The following C5orf34 variants were observed in gnomAD, a reference collection of about 807,000 sequenced individuals.
The protein encoded by C5orf34 is chromosome 5 open reading frame 34, also known as uncharacterized protein C5orf34.
C5orf34 carries 73 observed loss-of-function variants against 78.4 expected under a neutral mutation model. That is an observed-to-expected ratio of 0.93 (90% CI 0.77 to 1.13). The LOEUF (loss-of-function observed/expected upper bound fraction) is 1.13, where lower values mean the gene tolerates loss of function less well. C5orf34 is among the 50% of genes most tolerant of loss of function. C5orf34 has a pLI of 0.00. For missense variants in C5orf34, 730 were observed against 732.7 expected (o/e 1.00, Z 0.04); for synonymous variants, 251 against 246.6 (o/e 1.02, Z -0.17).
chr5:43,497,728 C>T (rs1201769471), intron 6 of C5orf34, among the ~76,000 whole-genome samples: 1 of 152,186 alleles, frequency 6.6e-6, no homozygotes, highest in Non-Finnish European at 1.5e-5. Context: ...AGGTACCAAA[C>T]AAAAGTCTTT....
At position 43,502,539 on chromosome 5, in the gene C5orf34, A is replaced by C. The variant is rs148357398; in HGVS notation, c.1029-44T>G. 1.1e-3 allele frequency: 1,254 copies of C among 1,180,358 alleles called. 11 individuals are homozygous for C. The African/African-American group carries it at 0.016, about 15-fold the overall frequency. 73.1% of individuals were successfully genotyped at this position (1,180,358 alleles called of 1,614,324 possible). On this transcript the variant is annotated intron_variant, in intron 5 of 12. Coordinates refer to ENST00000306862, the MANE Select transcript of C5orf34 (RefSeq NM_198566.4). ...CATTAAAAATTTTTTTCCACTTGAGATTAAAACATGCATGAAGATAGTCAT... is the reference window on the plus strand; with the variant it reads ...CATTAAAAATTTTTTTCCACTTGAGCTTAAAACATGCATGAAGATAGTCAT...
Position 43,490,689 on chromosome 5 carries a change from G to C in C5orf34, c.1621C>G (p.Gln541Glu), listed in dbSNP as rs764105480. The change falls in exon 11 of 13, where the codon CAG becomes GAG. Residue 541 changes from glutamine to glutamate, a missense_variant. Transcript: ENST00000306862. ...TVTSWCRRLT[Q>E]TSPREMPTHS... The stretch of plus-strand genomic sequence containing the variant: ...GTGGGCATCTCTCTGGGACTAGTCT[G>C]GGTCAGTCTCCTGCACCATGATGTT... 3.1e-6 allele frequency: 5 copies of C among 1,610,756 alleles called. No individual in the cohort carries two copies. In the East Asian group the frequency reaches 1.1e-4, roughly 36 times the overall value.
At chr5:43,488,278 T>C (rs1170908629) in intron 11 of C5orf34, 1 of 252,270 alleles carries the variant, frequency 4.0e-6, no homozygotes, top group East Asian at 8.4e-5. Context: ...CTCCCTAAAG[T>C]TTACGCAAAC....
chr5:43,496,271 T>C, intron 6 of C5orf34: 1 of 1,585,896 alleles, frequency 6.3e-7, no homozygotes, highest in Non-Finnish European at 8.6e-7. Flanking sequence ...GCTTTCAGTT[T>C]ATGCAAGACC....
At chr5:43,494,988 T>C (rs1310534436) in intron 6 of C5orf34, 2 of 1,123,164 alleles carry the variant, frequency 1.8e-6, no homozygotes, top group East Asian at 4.7e-5. Context: ...ACTACTAAAC[T>C]TAAATGGCCA....
In C5orf34 at chr5:43,487,022, C is replaced by G; in HGVS notation, c.1810G>C (p.Glu604Gln). ...TCATTAACTTCTCCTAGCAAGGTTT[C>G]TGAAGATCCTGGTTTATAATGATCA... ...SFDHYKPGSS[E>Q]TLLGEVNENR... The change falls in exon 13 of 13, where the codon GAA becomes CAA. Residue 604 changes from glutamate to glutamine, a missense_variant. Physicochemically the swap from Glu to Gln is conservative, Grantham distance 29 (BLOSUM62 2). Coordinates refer to ENST00000306862, the MANE Select transcript of C5orf34 (RefSeq NM_198566.4). 6.3e-7 allele frequency: 1 copy of G among 1,591,028 alleles called. No individual in the cohort carries two copies. The highest frequency in any genetic ancestry group is 1.1e-5 in the South Asian group (1 of 87,540).
intron 10 of C5orf34, among the ~76,000 whole-genome samples, chr5:43,491,023 T>C (rs1470761792): frequency 6.6e-6 from 1 of 152,224 alleles, no homozygotes; most frequent in East Asian, 1.9e-4. Flanking sequence ...CAATTTTAAA[T>C]GTTCTAATTC....
At chr5:43,487,351 G>T (rs150954842) in intron 12 of C5orf34, among the ~76,000 whole-genome samples, 23 of 152,192 alleles carry the variant, frequency 1.5e-4, no homozygotes, top group African/African-American at 4.8e-4. Context: ...TGGAGGTTTG[G>T]TGGTAAGGAG....
In C5orf34 at chr5:43,492,206, T is replaced by TTTCAGTACCTTTCATATGG; in HGVS notation, c.1570_1580+8dup. On this transcript the variant is annotated intron_variant, in intron 10 of 12. Coordinates refer to ENST00000306862, the MANE Select transcript of C5orf34 (RefSeq NM_198566.4). ...CATAAAAATAATTTTTAAAATTGCT[T>TTTCAGTACCTTTCATATGG]TTCAGTACCTTTCATATGGTTCAGG... 1 of 1,577,698 alleles carries TTTCAGTACCTTTCATATGG rather than the reference T, an allele frequency of 6.3e-7. No individual in the cohort carries two copies. The highest frequency in any genetic ancestry group is 1.4e-5 in the African/African-American group (1 of 73,558).
Position 43,506,210 on chromosome 5 carries a change from GA to G in C5orf34, c.469del (p.Ser157HisfsTer17). The G allele has an allele frequency of 6.2e-7, 1 of 1,614,180 alleles. No homozygotes were observed. Among genetic ancestry groups the G allele is most frequent in the Non-Finnish European group, 8.5e-7 (1 of 1,180,040 alleles). ...ATTTGTTTCTGACAACACTGCAGATGAGTCTGACTTCTGGCTAACTTTACAC... is the reference window on the plus strand; with the variant it reads ...ATTTGTTTCTGACAACACTGCAGATGGTCTGACTTCTGGCTAACTTTACAC... ...FLCKVSQKSDSSAVLSETNNK... is the reference protein window; with the variant it reads ...FLCKVSQKSDXSAVLSETNNK... On this transcript the variant is annotated frameshift_variant, in exon 4 of 13. Coordinates refer to ENST00000306862, the MANE Select transcript of C5orf34 (RefSeq NM_198566.4). LOFTEE classifies it high-confidence loss of function.
chr5:43,503,989 T>A (rs1745875533), intron 4 of C5orf34, among the ~76,000 whole-genome samples: 2 of 152,194 alleles, frequency 1.3e-5, no homozygotes, highest in African/African-American at 2.4e-5. Context: ...CACAATTACA[T>A]AAATTAACAG....
chr5:43,503,596 G>T, intron 5 of C5orf34, 69 bp downstream of exon 5: 2 of 1,012,142 alleles, frequency 2.0e-6, no homozygotes, highest in Non-Finnish European at 1.6e-6. Context: ...TATAAGGCTC[G>T]TCCCATCTTC....
At chr5:43,499,529 A>G (rs765573955) in intron 6 of C5orf34, among the ~76,000 whole-genome samples, 6 of 152,164 alleles carry the variant, frequency 3.9e-5, no homozygotes, top group Non-Finnish European at 7.3e-5. Context: ...AAAAGTTCAA[A>G]AAGTATGAAA....
intron 10 of C5orf34, among the ~76,000 whole-genome samples, chr5:43,491,382 A>G (rs1359981246): frequency 1.3e-5 from 2 of 152,238 alleles, no homozygotes; most frequent in African/African-American, 4.8e-5. Context: ...ACAAAAAGCT[A>G]TTATTTTGTG....
intron 1 of C5orf34, among the ~76,000 whole-genome samples, chr5:43,513,412 C>G (rs1746357982): frequency 6.6e-6 from 1 of 152,210 alleles, no homozygotes; most frequent in Admixed American, 6.5e-5. Context: ...CTTTCACTCT[C>G]ATCTCTTCCC....
intron 4 of C5orf34, chr5:43,505,462 A>G (rs1277636863): frequency 3.1e-6 from 1 of 323,972 alleles, no homozygotes; most frequent in Admixed American, 4.5e-5. Context: ...GACCTTCACT[A>G]GATTCTAAGT....
chr5:43,503,885 AAATT>A (rs1745870084), intron 4 of C5orf34, 125 bp from the exon 5 acceptor site: 1 of 621,744 alleles, frequency 1.6e-6, no homozygotes, highest in African/African-American at 1.8e-5. Flanking sequence ...CAAAGAATAA[AAATT>A]AATATGAAGG....
intron 1 of C5orf34, among the ~76,000 whole-genome samples, chr5:43,510,677 G>A (rs990750040): frequency 6.6e-5 from 10 of 152,354 alleles, no homozygotes; most frequent in African/African-American, 1.4e-4. Context: ...TCCTAACCGC[G>A]AGTGATCTGC....
intron 6 of C5orf34, chr5:43,496,366 T>C (rs1482069849): frequency 5.0e-6 from 8 of 1,592,320 alleles, no homozygotes; most frequent in Non-Finnish European, 5.1e-6. Context: ...GCCACCACAT[T>C]TGTAGGTCAG....
Sources: allele counts gnomAD v4.1 joint callset (sites outside exome capture counted in the v4.1 genomes callset), GRCh38; gene constraint gnomAD v4.1.1; transcripts MANE v1.5; gene names NCBI Gene and HGNC (gene_info 2026-07-23, HGNC 2026-07-21).